The following CSMD3 variants were observed in gnomAD, a reference collection of about 807,000 sequenced individuals.
The protein encoded by CSMD3 is CUB and sushi domain-containing protein 3.
CSMD3 carries 177 observed loss-of-function variants against 435.2 expected under a neutral mutation model. The observed-to-expected ratio is 0.41, with a 90% CI of 0.36 to 0.46. The LOEUF (loss-of-function observed/expected upper bound fraction) is 0.46. Ranked by LOEUF, CSMD3 falls within the 20% of genes least tolerant of loss-of-function variation. CSMD3 has a pLI of 0.34. For synonymous variants in CSMD3, 1,656 were observed against 1,520.5 expected (o/e 1.09, Z -2.07); for missense variants, 4,265 against 4,504.6 (o/e 0.95, Z 1.52).
At chr8:112,245,620 C>T (rs1426128818) in intron 64 of CSMD3, among the ~76,000 whole-genome samples, 1 of 152,128 alleles carries the variant, frequency 6.6e-6, no homozygotes, top group Non-Finnish European at 1.5e-5. Context: ...TCACTGCAGC[C>T]TCCACCTCCG....
intron 1 of CSMD3, among the ~76,000 whole-genome samples, chr8:113,331,510 G>A (rs2132772186): frequency 6.6e-6 from 1 of 151,712 alleles, no homozygotes; most frequent in Non-Finnish European, 1.5e-5. Flanking sequence ...TATTCCTTAT[G>A]AATATTGATA....
chr8:113,071,405 T>C (rs2089112320), intron 5 of CSMD3, among the ~76,000 whole-genome samples: 2 of 151,924 alleles, frequency 1.3e-5, no homozygotes, highest in African/African-American at 4.8e-5. Context: ...CATATCGAAG[T>C]CAAGAAGCTC....
At chr8:112,236,451 T>C (rs1176707563) in intron 67 of CSMD3, among the ~76,000 whole-genome samples, 1 of 152,138 alleles carries the variant, frequency 6.6e-6, no homozygotes, top group East Asian at 1.9e-4. Context: ...ATTTATTTTA[T>C]ATTGTTAGAA....
At chr8:112,920,321 TAAAGA>T (rs1033260853) in intron 10 of CSMD3, among the ~76,000 whole-genome samples, 6 of 151,750 alleles carry the variant, frequency 4.0e-5, no homozygotes, top group Non-Finnish European at 5.9e-5. Context: ...CACAAGCAGT[TAAAGA>T]AAAGAAAAAG....
rs1819796115 is a variant in CSMD3 at position 112,483,182 on chromosome 8, A to G, written c.5278+9307T>C. 2.0e-5 allele frequency among the ~76,000 whole-genome samples: 3 copies of G among 152,200 alleles called. No homozygotes were observed. The South Asian group carries it at 6.2e-4, about 32-fold the overall frequency. ...CATGGTAGAGTACAACATAAAACTCAGCACATTGGAATCAGGTTTAGGTTT... is the reference window on the plus strand; with the variant it reads ...CATGGTAGAGTACAACATAAAACTCGGCACATTGGAATCAGGTTTAGGTTT... On this transcript the variant is annotated intron_variant, in intron 31 of 70. Coordinates refer to ENST00000297405, the MANE Select transcript of CSMD3 (RefSeq NM_198123.2).
At chr8:112,272,946 C>A (rs1319544137) in intron 59 of CSMD3, among the ~76,000 whole-genome samples, 1 of 152,088 alleles carries the variant, frequency 6.6e-6, no homozygotes, top group Non-Finnish European at 1.5e-5. Flanking sequence ...CATAAACTTA[C>A]AAATTATCAG....
chr8:112,882,946 C>T (rs1247499688), intron 10 of CSMD3, among the ~76,000 whole-genome samples: 1 of 151,890 alleles, frequency 6.6e-6, no homozygotes, highest in Non-Finnish European at 1.5e-5. Flanking sequence ...AAAAAATACA[C>T]AAAAGCTCAT....
Position 113,408,273 on chromosome 8 carries a change from T to C in CSMD3, c.178+28404A>G, listed in dbSNP as rs184474991. 5.3e-4 allele frequency among the ~76,000 whole-genome samples: 80 copies of C among 152,298 alleles called. 2 individuals carry two copies. The highest frequency in any genetic ancestry group is 1.9e-3 in the African/African-American group (79 of 41,580). ...GAGTCCATGTTCACTATTGTTATAA[T>C]GTTACAGTTACAGACAATCATAATG... On this transcript the variant is annotated intron_variant, in intron 1 of 70. Coordinates refer to ENST00000297405, the MANE Select transcript of CSMD3 (RefSeq NM_198123.2).
chr8:112,898,689 T>C (rs895386035), intron 10 of CSMD3, among the ~76,000 whole-genome samples: 24 of 151,322 alleles, frequency 1.6e-4, no homozygotes, highest in Admixed American at 5.9e-4. Flanking sequence ...TATATACATA[T>C]ATGTTTGTGC....
intron 32 of CSMD3, among the ~76,000 whole-genome samples, chr8:112,460,253 C>A (rs1023331397): frequency 6.6e-5 from 10 of 151,916 alleles, no homozygotes; most frequent in African/African-American, 2.2e-4. Context: ...AATAATTGAG[C>A]AAATTAGTGA....
intron 23 of CSMD3, among the ~76,000 whole-genome samples, chr8:112,577,815 T>C (rs1297839032): frequency 6.6e-6 from 1 of 152,108 alleles, no homozygotes; most frequent in Non-Finnish European, 1.5e-5. Context: ...CTCAAAACTC[T>C]TGCTGTTGTG....
intron 31 of CSMD3, among the ~76,000 whole-genome samples, chr8:112,491,484 T>G (rs1021131632): frequency 6.6e-6 from 1 of 151,908 alleles, no homozygotes; most frequent in Non-Finnish European, 1.5e-5. Context: ...GCAAAAACTC[T>G]ACTAAAAATA....
intron 5 of CSMD3, among the ~76,000 whole-genome samples, chr8:113,076,763 T>C (rs2089355109): frequency 6.6e-6 from 1 of 152,038 alleles, no homozygotes; most frequent in Non-Finnish European, 1.5e-5. Flanking sequence ...ACTATAAAAC[T>C]ATGGTTACAA....
At chr8:113,012,193 G>A (rs2086279415) in intron 6 of CSMD3, among the ~76,000 whole-genome samples, 1 of 151,690 alleles carries the variant, frequency 6.6e-6, no homozygotes, top group Non-Finnish European at 1.5e-5. Flanking sequence ...AAATAATGCA[G>A]TTGGCCTATG....
At chr8:113,251,345 T>C (rs933568124) in intron 3 of CSMD3, among the ~76,000 whole-genome samples, 1 of 152,112 alleles carries the variant, frequency 6.6e-6, no homozygotes. Context: ...AGGCCTCTGT[T>C]AACAGACTGT....
intron 27 of CSMD3, among the ~76,000 whole-genome samples, chr8:112,536,572 G>C (rs1230402018): frequency 6.6e-6 from 1 of 152,138 alleles, no homozygotes; most frequent in African/African-American, 2.4e-5. Context: ...CTGTTGGTGG[G>C]ACTGTAAACT....
At chr8:112,677,107 G>A (rs1274228267) in intron 16 of CSMD3, among the ~76,000 whole-genome samples, 1 of 151,984 alleles carries the variant, frequency 6.6e-6, no homozygotes, top group African/African-American at 2.4e-5. Flanking sequence ...TCTTTCCTGG[G>A]TGCAGAGTAC....
chr8:112,620,285 G>A (rs950217723), intron 22 of CSMD3, among the ~76,000 whole-genome samples: 2 of 152,264 alleles, frequency 1.3e-5, no homozygotes, highest in African/African-American at 2.4e-5. Flanking sequence ...GGAAATTTCA[G>A]TAGGAACCGT....
At chr8:112,424,578 C>G (rs926887040) in intron 32 of CSMD3, among the ~76,000 whole-genome samples, 1 of 152,120 alleles carries the variant, frequency 6.6e-6, no homozygotes, top group Admixed American at 6.5e-5. Context: ...AGGTAATTCC[C>G]TAAAATTATT....
Sources: gnomAD v4.1 joint callset for allele counts (sites outside exome capture counted in the v4.1 genomes callset) on GRCh38, gnomAD v4.1.1 for gene constraint, MANE v1.5 for transcripts, NCBI Gene and HGNC (gene_info 2026-07-23, HGNC 2026-07-21) for gene names.